Variants in RAD51B observed in about 807,000 individuals in gnomAD.
RAD51B encodes DNA repair protein RAD51 homolog 2.
Under a neutral mutation model 42.2 loss-of-function variants are expected in RAD51B, and 38 were observed. That is an observed-to-expected ratio of 0.90 (90% CI 0.70 to 1.18). The LOEUF (loss-of-function observed/expected upper bound fraction) is 1.18. Among genes scored for constraint, RAD51B ranks in the 50% most tolerant of loss-of-function variants. RAD51B has a pLI of 0.00. For missense variants in RAD51B, 373 were observed against 400.7 expected, an observed-to-expected ratio of 0.93 and a Z score of 0.59; for synonymous variants, 154 against 145.2, an observed-to-expected ratio of 1.06 and a Z score of -0.43.
exon 11 of RAD51B, chr14:68,611,478 C>CAG: frequency 1.8e-6 from 1 of 556,440 alleles, no homozygotes; most frequent in Non-Finnish European, 3.2e-6. Context: ...GGGTCTTCTG[C>CAG]AGAGTGATTA....
intron 8 of RAD51B, among the ~76,000 whole-genome samples, chr14:68,303,924 C>T (rs991877634): frequency 6.6e-6 from 1 of 152,208 alleles, no homozygotes; most frequent in African/African-American, 2.4e-5. Context: ...AATCCCAGCA[C>T]TTTGGGAGGC....
intron 5 of RAD51B, among the ~76,000 whole-genome samples, chr14:67,875,505 A>C (rs540293779): frequency 6.6e-6 from 1 of 152,156 alleles, no homozygotes; most frequent in Non-Finnish European, 1.5e-5. Flanking sequence ...ATTTTTCTGT[A>C]TCTTATTAAA....
Position 68,264,351 on chromosome 14 carries a change from T to C in RAD51B, c.757-27533T>C, listed in dbSNP as rs2080945225. Among the ~76,000 whole-genome samples, 6 of 152,340 alleles carry C rather than the reference T, an allele frequency of 3.9e-5. No homozygotes were observed. In the South Asian group the frequency reaches 1.2e-3, roughly 32 times the overall value. ...TCTATGACTGGGGTTAGGGATGACT[T>C]ATAGGCAGGAACGGAGCCAGACTCC... On this transcript the variant is annotated intron_variant, in intron 7 of 10. Transcript: ENST00000471583.
chr14:68,337,939 T>C (rs1324238665), intron 8 of RAD51B, among the ~76,000 whole-genome samples: 1 of 151,968 alleles, frequency 6.6e-6, no homozygotes, highest in African/African-American at 2.4e-5. Flanking sequence ...ACTCAGCAAA[T>C]TTTTTAGTTT....
At chr14:68,451,788 C>T (rs1390280322) in intron 9 of RAD51B, among the ~76,000 whole-genome samples, 1 of 152,212 alleles carries the variant, frequency 6.6e-6, no homozygotes, top group African/African-American at 2.4e-5. Context: ...ACAAACCAGT[C>T]CCATTTGACC....
At chr14:67,874,893 G>A (rs2140021820) in intron 5 of RAD51B, among the ~76,000 whole-genome samples, 1 of 152,130 alleles carries the variant, frequency 6.6e-6, no homozygotes, top group African/African-American at 2.4e-5. Context: ...ATGGAACTGT[G>A]GGTTAAGAAT....
chr14:68,535,859 T>G (rs1188081618), intron 10 of RAD51B, among the ~76,000 whole-genome samples: 1 of 152,150 alleles, frequency 6.6e-6, no homozygotes, highest in Admixed American at 6.5e-5. Context: ...TAGGAGCACT[T>G]GGAGGTTTGG....
rs2077594707 is a variant in RAD51B at position 68,118,895 on chromosome 14, A to G, written c.757-172989A>G. 3.3e-5 allele frequency among the ~76,000 whole-genome samples: 5 copies of G among 152,166 alleles called. No individual in the cohort carries two copies. In the South Asian group the frequency reaches 1.0e-3, roughly 32 times the overall value. ...TTTAAAGTATGTTCTTCAAGGGAAG[A>G]TTCCTATTTGCTCCCATCAGATGCT... On this transcript the variant is annotated intron_variant, in intron 7 of 10. Transcript: ENST00000471583.
chr14:68,163,552 ATTTC>A (rs2078689238), intron 7 of RAD51B, among the ~76,000 whole-genome samples: 1 of 149,778 alleles, frequency 6.7e-6, no homozygotes, highest in African/African-American at 2.5e-5. Context: ...TGCTTTTTCT[ATTTC>A]TTCTATTTTT....
intron 7 of RAD51B, among the ~76,000 whole-genome samples, chr14:67,944,628 C>T (rs1191376724): frequency 6.6e-6 from 1 of 152,058 alleles, no homozygotes; most frequent in Non-Finnish European, 1.5e-5. Flanking sequence ...AATCTTAGTA[C>T]TAATTGTATG....
At chr14:68,073,444 CATT>C (rs551333230) in intron 7 of RAD51B, among the ~76,000 whole-genome samples, 11 of 152,118 alleles carry the variant, frequency 7.2e-5, no homozygotes, top group Admixed American at 4.6e-4. Context: ...CTGTTGAAGA[CATT>C]ATAGCGTTAG....
At chr14:68,426,007 C>CCTTCCTTCCTTTCTTT (rs1183115143) in intron 9 of RAD51B, among the ~76,000 whole-genome samples, 6 of 116,672 alleles carry the variant, frequency 5.1e-5, no homozygotes, top group South Asian at 5.8e-4. Context: ...TTCCTTCCTT[C>CCTTCCTTCCTTTCTTT]CTTTCTTTCT....
intron 10 of RAD51B, chr14:68,562,319 G>A: frequency 1.0e-6 from 1 of 985,432 alleles, no homozygotes; most frequent in South Asian, 4.7e-5. Context: ...GCCTGACGAA[G>A]GCTGTGTGAT....
chr14:68,120,532 A>C (rs1357639949), intron 7 of RAD51B, among the ~76,000 whole-genome samples: 1 of 152,234 alleles, frequency 6.6e-6, no homozygotes, highest in Non-Finnish European at 1.5e-5. Flanking sequence ...ATATTCATTG[A>C]ATGAAAAAAT....
At chr14:68,604,296 C>CT (rs398118339) in intron 10 of RAD51B, among the ~76,000 whole-genome samples, 5 of 151,980 alleles carry the variant, frequency 3.3e-5, no homozygotes, top group Admixed American at 6.6e-5. Flanking sequence ...AGTCCCCTTC[C>CT]TTCTGGAAAG....
intron 7 of RAD51B, among the ~76,000 whole-genome samples, chr14:68,091,885 A>T (rs1011192333): frequency 6.6e-6 from 1 of 152,196 alleles, no homozygotes. Flanking sequence ...ATAAGGTGTA[A>T]GGAAGGGATC....
intron 7 of RAD51B, among the ~76,000 whole-genome samples, chr14:68,117,363 A>C (rs1179116448): frequency 6.6e-6 from 1 of 152,186 alleles, no homozygotes; most frequent in African/African-American, 2.4e-5. Flanking sequence ...TATCATGATC[A>C]ACAGATTGGT....
chr14:68,085,391 A>G (rs771004866), intron 7 of RAD51B, among the ~76,000 whole-genome samples: 5 of 152,162 alleles, frequency 3.3e-5, no homozygotes, highest in Non-Finnish European at 7.3e-5. Flanking sequence ...AGGGCCTAGT[A>G]TAGCAACCTT....
chr14:68,244,323 T>C (rs182325713), intron 7 of RAD51B, among the ~76,000 whole-genome samples: 3 of 152,138 alleles, frequency 2.0e-5, no homozygotes, highest in African/African-American at 7.2e-5. Context: ...TATTTGGGAG[T>C]GGTAAAGAAT....
Sources: allele counts gnomAD v4.1 joint callset (sites outside exome capture counted in the v4.1 genomes callset), GRCh38; gene constraint gnomAD v4.1.1; transcripts MANE v1.5; gene names NCBI Gene and HGNC (gene_info 2026-07-23, HGNC 2026-07-21).